GRID2: variants seen among roughly 807,000 people sequenced by gnomAD.
GRID2 encodes glutamate receptor ionotropic, delta-2.
In GRID2, 33 loss-of-function variants were observed where a neutral mutation model predicts 114.8. The ratio of observed to expected loss-of-function variants is 0.29; its 90% CI spans 0.22 to 0.38. The LOEUF (loss-of-function observed/expected upper bound fraction) is 0.38. Ranked by LOEUF, GRID2 falls within the 10% of genes least tolerant of loss-of-function variation. GRID2 has a pLI of 1.00. For missense variants in GRID2, 1,184 were observed against 1,257.7 expected (o/e 0.94, Z 0.89); for synonymous variants, 505 against 449.9 (o/e 1.12, Z -1.55).
At chr4:93,439,250 A>G (rs1215939658) in intron 10 of GRID2, among the ~76,000 whole-genome samples, 3 of 152,120 alleles carry the variant, frequency 2.0e-5, no homozygotes, top group African/African-American at 7.2e-5. Context: ...TCCCTGAGGA[A>G]TCGCCACACT....
chr4:92,580,906 A>T (rs1238975938), intron 1 of GRID2, among the ~76,000 whole-genome samples: 25 of 143,574 alleles, frequency 1.7e-4, no homozygotes, highest in Non-Finnish European at 3.2e-4. Flanking sequence ...TTTTTTTTTT[A>T]AATGCATCAG....
In GRID2 at chr4:93,772,211, C is replaced by T; in HGVS notation, c.2737C>T (p.Arg913Ter). The T allele has an allele frequency of 6.2e-7, 1 of 1,614,062 alleles. No individual in the cohort carries two copies. The highest frequency in any genetic ancestry group is 8.5e-7 in the Non-Finnish European group (1 of 1,179,976). Residue 913 changes from arginine (R) to a stop codon, truncating the protein, a stop_gained, in exon 16 of 16, where the codon CGA becomes TGA. Transcript: ENST00000282020. LOFTEE classifies it high-confidence loss of function. ...TCTGGACATTGACACTTTGCCAACA[C>T]GACAAGCACTGGAGCAAATCAGTGA... ...TPLDIDTLPT[R>*]QALEQISDFR...
chr4:92,942,786 A>G lies in GRID2; in HGVS notation c.245-142209A>G, dbSNP rs1394794637. 3.3e-5 allele frequency among the ~76,000 whole-genome samples: 5 copies of G among 152,058 alleles called. No individual in the cohort carries two copies. In the East Asian group the frequency reaches 9.6e-4, roughly 29 times the overall value. ...CCTGGTGTTGACAAAATCTCTCAGC[A>G]TTTGCTTGTCTGTAAAGGATTTTAT... is the stretch of plus-strand genomic sequence containing the variant. On this transcript the variant is annotated intron_variant, in intron 2 of 15. Transcript: ENST00000282020.
intron 2 of GRID2, among the ~76,000 whole-genome samples, chr4:92,772,053 A>T (rs1211272386): frequency 6.6e-6 from 1 of 152,226 alleles, no homozygotes; most frequent in Non-Finnish European, 1.5e-5. Flanking sequence ...GCTGCAGAAA[A>T]AAATAGAAAA....
At chr4:93,788,065 C>A (rs1045452196) in intron 1 of GRID2, among the ~76,000 whole-genome samples, 2 of 151,994 alleles carry the variant, frequency 1.3e-5, no homozygotes, top group Admixed American at 1.3e-4. Context: ...GTCTGTAATC[C>A]CAGCACTTTA....
At chr4:92,906,743 C>T (rs1182223770) in intron 2 of GRID2, among the ~76,000 whole-genome samples, 10 of 152,082 alleles carry the variant, frequency 6.6e-5, no homozygotes, top group Non-Finnish European at 8.8e-5. Flanking sequence ...CTCAGCCACA[C>T]GAGTAGCTGG....
chr4:93,560,455 A>C (rs953084236), intron 13 of GRID2, among the ~76,000 whole-genome samples: 1 of 151,908 alleles, frequency 6.6e-6, no homozygotes, highest in Non-Finnish European at 1.5e-5. Context: ...GGGAGCTGCC[A>C]CACACTTTTA....
At chr4:93,637,304 A>T (rs548634040) in intron 14 of GRID2, among the ~76,000 whole-genome samples, 3 of 152,290 alleles carry the variant, frequency 2.0e-5, no homozygotes, top group Admixed American at 2.0e-4. Flanking sequence ...TTGTGAGGTA[A>T]ATATTATTAG....
chr4:92,806,549 A>G (rs1213846180), intron 2 of GRID2, among the ~76,000 whole-genome samples: 1 of 151,778 alleles, frequency 6.6e-6, no homozygotes, highest in African/African-American at 2.4e-5. Context: ...ATACCAAGTA[A>G]TGTATCTTAT....
chr4:93,050,509 GGTGTGTGTGT>G (rs70942946), intron 2 of GRID2, among the ~76,000 whole-genome samples: 2,274 of 144,026 alleles, frequency 0.016, 55 homozygotes, highest in African/African-American at 0.049. Context: ...AATAATACCT[GGTGTGTGTGT>G]GTGTGTGTGT....
intron 14 of GRID2, among the ~76,000 whole-genome samples, chr4:93,678,948 G>A (rs947501980): frequency 6.0e-5 from 9 of 150,488 alleles, no homozygotes; most frequent in African/African-American, 1.7e-4. Flanking sequence ...AAATGTAAAC[G>A]GACTGAATCC....
intron 13 of GRID2, among the ~76,000 whole-genome samples, chr4:93,565,429 A>G (rs937684172): frequency 6.6e-6 from 1 of 152,148 alleles, no homozygotes; most frequent in African/African-American, 2.4e-5. Flanking sequence ...ATTATCTATA[A>G]AAGTTTCAAT....
chr4:92,868,016 TTTTCTTTC>T (rs57222462), intron 2 of GRID2, among the ~76,000 whole-genome samples: 13,223 of 132,702 alleles, frequency 0.1, 693 homozygotes, highest in South Asian at 0.14. Flanking sequence ...TACTGAAAGG[TTTTCTTTC>T]TTTCTTTCTT....
At chr4:93,033,381 A>G (rs1003971880) in intron 2 of GRID2, among the ~76,000 whole-genome samples, 1 of 152,222 alleles carries the variant, frequency 6.6e-6, no homozygotes, top group African/African-American at 2.4e-5. Flanking sequence ...AGAAAATACC[A>G]AACATAGAGT....
At chr4:93,616,707 A>T (rs1264942089) in intron 13 of GRID2, among the ~76,000 whole-genome samples, 1 of 151,436 alleles carries the variant, frequency 6.6e-6, no homozygotes, top group Admixed American at 6.6e-5. Context: ...GAGGGCAAGT[A>T]TCTGGACAAA....
chr4:93,758,397 T>C (rs1448290458), intron 14 of GRID2, among the ~76,000 whole-genome samples: 1 of 152,200 alleles, frequency 6.6e-6, no homozygotes, highest in Non-Finnish European at 1.5e-5. Flanking sequence ...TATGTATCAG[T>C]GTACAACCTC....
intron 2 of GRID2, among the ~76,000 whole-genome samples, chr4:92,883,256 G>A (rs1403675178): frequency 6.6e-6 from 1 of 152,130 alleles, no homozygotes; most frequent in Non-Finnish European, 1.5e-5. Flanking sequence ...CTCCTTATCT[G>A]TTCAAGTTTT....
At chr4:92,790,475 G>A (rs1739530461) in intron 2 of GRID2, among the ~76,000 whole-genome samples, 2 of 151,772 alleles carry the variant, frequency 1.3e-5, no homozygotes, top group African/African-American at 2.4e-5. Flanking sequence ...GAAAGCAGTG[G>A]TGGATTCACA....
chr4:92,934,161 A>G (rs1365049408), intron 2 of GRID2, among the ~76,000 whole-genome samples: 1 of 151,844 alleles, frequency 6.6e-6, no homozygotes, highest in East Asian at 1.9e-4. Flanking sequence ...CTTCCTACCC[A>G]TGAGCGTGGA....
Sources: gnomAD v4.1 joint callset for allele counts (sites outside exome capture counted in the v4.1 genomes callset) on GRCh38, gnomAD v4.1.1 for gene constraint, MANE v1.5 for transcripts, NCBI Gene and HGNC (gene_info 2026-07-23, HGNC 2026-07-21) for gene names.